TAF4B: variants seen among roughly 807,000 people sequenced by gnomAD.
TAF4B encodes TATA-box binding protein associated factor 4b, also known as transcription initiation factor TFIID subunit 4B.
In TAF4B, 38 loss-of-function variants were observed where a neutral mutation model predicts 86.4. The ratio of observed to expected loss-of-function variants is 0.44; its 90% CI spans 0.34 to 0.58. The LOEUF (loss-of-function observed/expected upper bound fraction) is 0.58, where lower values mean the gene tolerates loss of function less well. Ranked by LOEUF, TAF4B falls within the 20% of genes least tolerant of loss-of-function variation. TAF4B has a pLI of 0.02. For synonymous variants in TAF4B, 388 were observed against 391.2 expected, an observed-to-expected ratio of 0.99 and a Z score of 0.10; for missense variants, 988 against 1,027.6, an observed-to-expected ratio of 0.96 and a Z score of 0.53.
chr18:26,386,931 T>G (rs1168475738), intron 14 of TAF4B, among the ~76,000 whole-genome samples: 1 of 152,236 alleles, frequency 6.6e-6, no homozygotes, highest in Non-Finnish European at 1.5e-5. Flanking sequence ...AGCCAGTTAT[T>G]TTAAAATCTC....
At chr18:26,252,695 C>T (rs2056023907) in intron 1 of TAF4B, among the ~76,000 whole-genome samples, 4 of 151,964 alleles carry the variant, frequency 2.6e-5, no homozygotes, top group Admixed American at 2.6e-4. Context: ...AGTATTACAG[C>T]GTTTGTGTTC....
Position 26,267,623 on chromosome 18 carries a change from A to G in TAF4B, c.597A>G (p.Gln199=), listed in dbSNP as rs758234112. The stretch of plus-strand genomic sequence containing the variant: ...CTGTTCCGAAGCCTTCCTCAGTACA[A>G]GTAAGTTGTGCTGGCCATTCGTGCA... The part of the protein sequence containing the change: ...VTTVPKPSSV[Q]SVAVPTSVVT... Residue 199 remains glutamine, a splice_region_variant and synonymous_variant, in exon 3 of 15, where the codon CAA becomes CAG. Transcript: ENST00000269142. The G allele has an allele frequency of 6.2e-7, 1 of 1,608,754 alleles. No homozygotes were observed. The highest frequency in any genetic ancestry group is 8.5e-7 in the Non-Finnish European group (1 of 1,175,432).
intron 7 of TAF4B, among the ~76,000 whole-genome samples, chr18:26,289,415 A>G (rs1259407438): frequency 6.6e-6 from 1 of 152,198 alleles, no homozygotes; most frequent in Non-Finnish European, 1.5e-5. Flanking sequence ...TCCTTTAATA[A>G]TCATGGATTT....
intron 1 of TAF4B, among the ~76,000 whole-genome samples, chr18:26,252,386 A>C (rs772574935): frequency 1.2e-4 from 18 of 152,196 alleles, no homozygotes; most frequent in Admixed American, 2.6e-4. Context: ...TAAATTGATT[A>C]CTTCTAATAG....
chr18:26,238,054 A>C (rs1388728030), intron 1 of TAF4B, among the ~76,000 whole-genome samples: 2 of 152,194 alleles, frequency 1.3e-5, no homozygotes, highest in Admixed American at 1.3e-4. Context: ...CTCCTAGACC[A>C]CAAAGAGGAC....
intron 14 of TAF4B, among the ~76,000 whole-genome samples, chr18:26,370,182 G>C (rs576659585): frequency 4.6e-5 from 7 of 152,304 alleles, no homozygotes; most frequent in African/African-American, 1.4e-4. Flanking sequence ...GTCCACATAA[G>C]GGAGTGAAAT....
At chr18:26,339,513 G>A (rs1470650531) in intron 13 of TAF4B, among the ~76,000 whole-genome samples, 2 of 152,128 alleles carry the variant, frequency 1.3e-5, no homozygotes, top group Non-Finnish European at 1.5e-5. Context: ...TTTTTGGAAA[G>A]TGGGGGTCTC....
chr18:26,334,659 A>G (rs934763452), intron 12 of TAF4B, among the ~76,000 whole-genome samples: 1 of 152,188 alleles, frequency 6.6e-6, no homozygotes, highest in Non-Finnish European at 1.5e-5. Flanking sequence ...AGACATTCTA[A>G]TTAAAATACT....
chr18:26,334,965 T>G (rs987703751), intron 12 of TAF4B, among the ~76,000 whole-genome samples: 2 of 152,122 alleles, frequency 1.3e-5, no homozygotes, highest in African/African-American at 4.8e-5. Context: ...AGTATAAGCT[T>G]CCTCCAGGCT....
At chr18:26,289,833 G>A (rs1479802478) in intron 7 of TAF4B, among the ~76,000 whole-genome samples, 1 of 152,134 alleles carries the variant, frequency 6.6e-6, no homozygotes, top group Non-Finnish European at 1.5e-5. Flanking sequence ...GTTCAGGAGT[G>A]TACCTCCCAT....
rs542773524 is a variant in TAF4B, at chr18:26,384,310, C to T, written c.2422-5535C>T. The stretch of plus-strand genomic sequence containing the variant: ...GGACACAAATTTTGCTTTTATTAGT[C>T]GTAGGATTCAGGGAATTGAATGAAA... On this transcript the variant is annotated intron_variant, in intron 14 of 14. Coordinates refer to ENST00000269142, the MANE Select transcript of TAF4B (RefSeq NM_005640.3). Among the ~76,000 whole-genome samples, 6 of 152,210 alleles carry T rather than the reference C, an allele frequency of 3.9e-5. No individual in the cohort carries two copies. The South Asian group carries it at 8.3e-4, about 21-fold the overall frequency.
intron 9 of TAF4B, among the ~76,000 whole-genome samples, chr18:26,298,936 A>T (rs1023968204): frequency 5.8e-5 from 8 of 136,948 alleles, no homozygotes; most frequent in Non-Finnish European, 1.1e-4. Context: ...ATCTCAGCTC[A>T]CCGCAACCTC....
chr18:26,260,763 A>G (rs1487151332), intron 1 of TAF4B, among the ~76,000 whole-genome samples: 3 of 152,184 alleles, frequency 2.0e-5, no homozygotes, highest in Non-Finnish European at 2.9e-5. Context: ...TTGTTACTGT[A>G]ATGACAGAAG....
chr18:26,377,446 C>T (rs979090487), intron 14 of TAF4B, among the ~76,000 whole-genome samples: 4 of 152,132 alleles, frequency 2.6e-5, no homozygotes, highest in East Asian at 3.9e-4. Flanking sequence ...CCTCAGTGTT[C>T]CTTCTTAACT....
At chr18:26,283,923 G>A (rs572563291) in intron 6 of TAF4B, among the ~76,000 whole-genome samples, 15 of 152,196 alleles carry the variant, frequency 9.9e-5, no homozygotes, top group African/African-American at 3.4e-4. Context: ...ACGTGGTGGC[G>A]CATGCCTATA....
chr18:26,258,264 A>G (rs2056114874), intron 1 of TAF4B, among the ~76,000 whole-genome samples: 1 of 151,800 alleles, frequency 6.6e-6, no homozygotes, highest in South Asian at 2.1e-4. Flanking sequence ...AAAAAAAAAA[A>G]AAGCTGAGGG....
chr18:26,274,985 C>T lies in TAF4B; in HGVS notation c.814C>T (p.Leu272=). 6 of 1,612,936 alleles carry T rather than the reference C, an allele frequency of 3.7e-6. No homozygotes were observed. The highest frequency in any genetic ancestry group is 5.1e-6 in the Non-Finnish European group (6 of 1,179,792). ...CKNFLAMLIK[L]ACSGSQSPEM... ...GAACTTCCTTGCAATGTTAATAAAACTAGCATGTAGTGGATCACAGTCCCC... is the reference window on the plus strand; with the variant it reads ...GAACTTCCTTGCAATGTTAATAAAATTAGCATGTAGTGGATCACAGTCCCC... Residue 272 remains leucine, a synonymous_variant, in exon 5 of 15, where the codon CTA becomes TTA. Coordinates refer to ENST00000269142, the MANE Select transcript of TAF4B (RefSeq NM_005640.3).
chr18:26,387,255 G>C (rs1978426997), intron 14 of TAF4B, among the ~76,000 whole-genome samples: 1 of 152,022 alleles, frequency 6.6e-6, no homozygotes, highest in Non-Finnish European at 1.5e-5. Flanking sequence ...TTTTGTTAGA[G>C]GTGGGGTTTC....
At chr18:26,337,956 C>T (rs2057106299) in intron 13 of TAF4B, among the ~76,000 whole-genome samples, 1 of 152,112 alleles carries the variant, frequency 6.6e-6, no homozygotes, top group Non-Finnish European at 1.5e-5. Flanking sequence ...TCAAACCTAC[C>T]TACCAGGCTT....
Sources: gnomAD v4.1 joint callset for allele counts (sites outside exome capture counted in the v4.1 genomes callset) on GRCh38, gnomAD v4.1.1 for gene constraint, MANE v1.5 for transcripts, NCBI Gene and HGNC (gene_info 2026-07-23, HGNC 2026-07-21) for gene names.